The following FRAS1 variants were observed in gnomAD, a reference collection of about 807,000 sequenced individuals.
FRAS1 encodes the protein Fraser extracellular matrix complex subunit 1, also known as extracellular matrix organizing protein FRAS1.
FRAS1 carries 290 observed loss-of-function variants against 435.2 expected under a neutral mutation model. That is an observed-to-expected ratio of 0.67 (90% CI 0.61 to 0.73). The LOEUF (loss-of-function observed/expected upper bound fraction) is 0.73, where lower values mean the gene tolerates loss of function less well. Among genes scored for constraint, FRAS1 ranks in the 30% least tolerant of loss-of-function variants. FRAS1 has a pLI of 0.00. For synonymous variants in FRAS1, 1,800 were observed against 1,851.0 expected (o/e 0.97, Z 0.71); for missense variants, 4,860 against 5,001.5 (o/e 0.97, Z 0.85).
chr4:78,155,635 C>G (rs79593951), intron 2 of FRAS1, among the ~76,000 whole-genome samples: 127 of 152,292 alleles, frequency 8.3e-4, no homozygotes, highest in African/African-American at 3.0e-3. Flanking sequence ...CTGCGAGGAG[C>G]AGGCAGTAAG....
chr4:78,323,738 G>C (rs1729600477), intron 18 of FRAS1, among the ~76,000 whole-genome samples: 1 of 152,178 alleles, frequency 6.6e-6, no homozygotes, highest in Admixed American at 6.5e-5. Context: ...AAAGGATCTA[G>C]AACTGTATGT....
In FRAS1 at chr4:78,435,639, G is replaced by A. The variant is rs142301829; in HGVS notation, c.5218-2931G>A. Among the ~76,000 whole-genome samples, 104 of 152,104 alleles carry A rather than the reference G, an allele frequency of 6.8e-4. 1 individual carries two copies. The Middle Eastern group carries it at 0.024, about 35-fold the overall frequency. On this transcript the variant is annotated intron_variant, in intron 38 of 73. Coordinates refer to ENST00000512123, the MANE Select transcript of FRAS1 (RefSeq NM_025074.7). ...CTATAATCCCAGTACTCAGGAGGCTGAGGCATGAGAATAGCTTGAACCCAA... is the reference window on the plus strand; with the variant it reads ...CTATAATCCCAGTACTCAGGAGGCTAAGGCATGAGAATAGCTTGAACCCAA...
At chr4:78,112,857 A>G (rs1256422577) in intron 2 of FRAS1, among the ~76,000 whole-genome samples, 1 of 151,832 alleles carries the variant, frequency 6.6e-6, no homozygotes, top group Non-Finnish European at 1.5e-5. Flanking sequence ...TTTAAGTTTT[A>G]GGGTACATGT....
At chr4:78,383,823 CATA>C (rs1033084816) in intron 27 of FRAS1, among the ~76,000 whole-genome samples, 7 of 152,268 alleles carry the variant, frequency 4.6e-5, no homozygotes, top group East Asian at 3.9e-4. Flanking sequence ...AAAATGTTTA[CATA>C]ATTATTATTA....
At chr4:78,226,972 T>G (rs1219310054) in intron 2 of FRAS1, among the ~76,000 whole-genome samples, 1 of 152,220 alleles carries the variant, frequency 6.6e-6, no homozygotes, top group Non-Finnish European at 1.5e-5. Context: ...AAAATTAATT[T>G]TATTTGTTTG....
Position 78,432,515 on chromosome 4 carries a change from G to T in FRAS1, c.5128G>T (p.Gly1710Trp). 6.2e-7 allele frequency: 1 copy of T among 1,613,064 alleles called. No individual in the cohort carries two copies. Among genetic ancestry groups the T allele is most frequent in the Admixed American group, 1.7e-5 (1 of 59,858 alleles). ...RVEVSLSEDR[G>W]PRLAAGSSLS... ...AGAGGTGTCCCTGTCAGAAGACCGA[G>T]GGCCTCGACTGGCTGCTGGCTCCTC... is the stretch of plus-strand genomic sequence containing the variant. Residue 1710 changes from glycine to tryptophan, a missense_variant, in exon 38 of 74, where the codon GGG becomes TGG. Transcript: ENST00000512123.
intron 20 of FRAS1, among the ~76,000 whole-genome samples, chr4:78,347,115 C>T (rs1265931245): frequency 6.6e-6 from 1 of 152,202 alleles, no homozygotes; most frequent in Non-Finnish European, 1.5e-5. Flanking sequence ...CTCCCACCTC[C>T]ACAGGTGCTT....
chr4:78,129,357 G>T (rs1578143241), intron 2 of FRAS1, among the ~76,000 whole-genome samples: 1 of 152,220 alleles, frequency 6.6e-6, no homozygotes, highest in East Asian at 1.9e-4. Flanking sequence ...AAAGCCTAGA[G>T]AATATGTTGA....
chr4:78,067,058 A>G (rs1040491319), intron 2 of FRAS1, among the ~76,000 whole-genome samples: 2 of 152,240 alleles, frequency 1.3e-5, no homozygotes, highest in African/African-American at 4.8e-5. Context: ...GCTCTAAAAT[A>G]TATTATCACT....
At chr4:78,441,811 T>C (rs1223986234) in intron 41 of FRAS1, among the ~76,000 whole-genome samples, 1 of 152,170 alleles carries the variant, frequency 6.6e-6, no homozygotes, top group Non-Finnish European at 1.5e-5. Context: ...ACATATATGA[T>C]ATGAATTAAA....
chr4:78,121,436 G>A (rs961398748), intron 2 of FRAS1, among the ~76,000 whole-genome samples: 4 of 152,170 alleles, frequency 2.6e-5, no homozygotes, highest in Non-Finnish European at 4.4e-5. Context: ...TAGGGTGAGG[G>A]GTGTTGGCAC....
chr4:78,057,546 A>AGTG lies in FRAS1; in HGVS notation c.-464_-463insGTG. Reference sequence around the variant, plus strand: ...TCCCGGCGACCCGCGGTGCCGACGCAACGCCGACGTATGGTGCCAAGCGAA... The same window carrying AGTG: ...TCCCGGCGACCCGCGGTGCCGACGCAGTGACGCCGACGTATGGTGCCAAGCGAA... On this transcript the variant is annotated 5_prime_UTR_variant, in exon 1 of 74. Transcript: ENST00000512123. The surrounding 1 kb of genome is among the most constrained non-coding windows in gnomAD (Gnocchi z 4.2). 6.4e-6 allele frequency: 1 copy of AGTG among 157,018 alleles called. No homozygotes were observed. The highest frequency in any genetic ancestry group is 1.4e-5 in the Non-Finnish European group (1 of 71,436). 9.7% of individuals were successfully genotyped at this position (157,018 alleles called of 1,614,324 possible). A position where few individuals can be genotyped will look rare whatever the true frequency, so the allele number is the denominator to read the frequency against.
Position 78,473,573 on chromosome 4 carries a change from C to G in FRAS1, c.7658C>G (p.Ser2553Ter). The G allele has an allele frequency of 1.2e-6, 2 of 1,607,304 alleles. No individual in the cohort carries two copies. Among genetic ancestry groups the G allele is most frequent in the East Asian group, 4.5e-5 (2 of 44,682 alleles). Residue 2553 changes from serine to a stop codon, truncating the protein, a stop_gained, in exon 53 of 74, where the codon TCA becomes TGA. Transcript: ENST00000512123. LOFTEE classifies it high-confidence loss of function. ...VSDNVFHIQW[S>*]LISFKYTSYN... ...GACAATGTCTTCCATATCCAGTGGTCACTCATCAGCTTTAAATATACCAGG... is the reference window on the plus strand; with the variant it reads ...GACAATGTCTTCCATATCCAGTGGTGACTCATCAGCTTTAAATATACCAGG...
intron 65 of FRAS1, among the ~76,000 whole-genome samples, chr4:78,515,577 A>C (rs909875858): frequency 2.2e-4 from 34 of 152,042 alleles, no homozygotes; most frequent in Non-Finnish European, 4.4e-4. Context: ...GTGGTCTCTT[A>C]GAGGTGGAGT....
intron 50 of FRAS1, among the ~76,000 whole-genome samples, chr4:78,468,227 G>T (rs1719592848): frequency 6.6e-6 from 1 of 152,080 alleles, no homozygotes; most frequent in South Asian, 2.1e-4. Context: ...TAATTCTTTG[G>T]TCGATTTTGA....
intron 2 of FRAS1, among the ~76,000 whole-genome samples, chr4:78,132,209 G>A (rs532251657): frequency 1.6e-4 from 24 of 152,238 alleles, no homozygotes; most frequent in Admixed American, 3.3e-4. Context: ...TTAGAAGTCA[G>A]GAAGGGCAGC....
Position 78,470,059 on chromosome 4 carries a change from G to T in FRAS1, c.7339G>T (p.Gly2447Ter). The T allele has an allele frequency of 6.2e-7, 1 of 1,613,348 alleles. No individual in the cohort carries two copies. The highest frequency in any genetic ancestry group is 8.5e-7 in the Non-Finnish European group (1 of 1,179,634). ...DGTPRIVTNL[G>*]LQWLEYMDGK... Reference sequence around the variant, plus strand: ...CACGCCTAGAATTGTCACCAACCTGGGACTCCAGTGGCTGGAATACATGGA... The same window carrying T: ...CACGCCTAGAATTGTCACCAACCTGTGACTCCAGTGGCTGGAATACATGGA... Residue 2447 changes from glycine (G) to a stop codon, truncating the protein, a stop_gained, in exon 51 of 74, where the codon GGA becomes TGA. Coordinates refer to ENST00000512123, the MANE Select transcript of FRAS1 (RefSeq NM_025074.7). LOFTEE classifies it high-confidence loss of function.
intron 2 of FRAS1, among the ~76,000 whole-genome samples, chr4:78,147,874 C>T (rs917321501): frequency 5.3e-5 from 8 of 152,150 alleles, no homozygotes; most frequent in African/African-American, 1.9e-4. Context: ...AACATTTGTG[C>T]TCAGTAACCT....
intron 3 of FRAS1, 99 bp from the exon 4 acceptor site, chr4:78,245,134 T>A: frequency 1.3e-6 from 1 of 770,540 alleles, no homozygotes; most frequent in South Asian, 1.5e-5. Flanking sequence ...CAGAAACGCA[T>A]GAGATTTAGT....
Sources: allele counts gnomAD v4.1 joint callset (sites outside exome capture counted in the v4.1 genomes callset), GRCh38; gene constraint gnomAD v4.1.1; non-coding constraint Gnocchi (gnomAD v3.1); transcripts MANE v1.5; gene names NCBI Gene and HGNC (gene_info 2026-07-23, HGNC 2026-07-21).